Variants in ALDH1L1 observed in about 807,000 individuals in gnomAD.
The protein encoded by ALDH1L1 is aldehyde dehydrogenase 1 family member L1, also known as cytosolic 10-formyltetrahydrofolate dehydrogenase.
Under a neutral mutation model 101.1 loss-of-function variants are expected in ALDH1L1, and 68 were observed. The observed-to-expected ratio is 0.67, with a 90% CI of 0.55 to 0.82. ALDH1L1 has a LOEUF of 0.82. Ranked by LOEUF, ALDH1L1 falls within the 40% of genes least tolerant of loss-of-function variation. The pLI, the probability that ALDH1L1 is intolerant of heterozygous loss-of-function variation, is 0.00. For synonymous variants in ALDH1L1, 486 were observed against 470.8 expected (o/e 1.03, Z -0.42); for missense variants, 1,087 against 1,172.7 (o/e 0.93, Z 1.07).
At chr3:126,126,654 C>T (rs2080192838) in intron 14 of ALDH1L1, among the ~76,000 whole-genome samples, 1 of 152,172 alleles carries the variant, frequency 6.6e-6, no homozygotes, top group Non-Finnish European at 1.5e-5. Context: ...GCAGGTGAAG[C>T]CGTCGGTTAC....
chr3:126,185,657 C>T (rs902940510), upstream of ALDH1L1, among the ~76,000 whole-genome samples: 1 of 152,018 alleles, frequency 6.6e-6, no homozygotes, highest in Non-Finnish European at 1.5e-5. Flanking sequence ...GAGAAGCTGG[C>T]AAAGTCAGGG....
intron 1 of ALDH1L1, among the ~76,000 whole-genome samples, chr3:126,164,774 C>A (rs2081132150): frequency 6.6e-6 from 1 of 152,152 alleles, no homozygotes; most frequent in Non-Finnish European, 1.5e-5. Context: ...GTTCTAAGTT[C>A]TTTAAGAAAT....
intron 7 of ALDH1L1, chr3:126,151,313 A>C (rs2080802863): frequency 6.6e-6 from 1 of 152,218 alleles, no homozygotes; most frequent in East Asian, 1.9e-4. Context: ...TGGGAAGAGG[A>C]GAGGCTGAAA....
At chr3:126,196,930 A>T (rs1006810808) in intron 1 of ALDH1L1, among the ~76,000 whole-genome samples, 1 of 152,196 alleles carries the variant, frequency 6.6e-6, no homozygotes, top group African/African-American at 2.4e-5. Context: ...TAGAGTAGTT[A>T]ATTTTGAGCT....
intron 2 of ALDH1L1, chr3:126,159,537 G>A (rs973004843): frequency 2.2e-6 from 1 of 456,630 alleles, no homozygotes; most frequent in Non-Finnish European, 4.4e-6. Context: ...CTCCTCTCCG[G>A]TCTCCTCCTC....
At chr3:126,152,293 C>T (rs1467281971) in intron 7 of ALDH1L1, 1 of 152,234 alleles carries the variant, frequency 6.6e-6, no homozygotes, top group Non-Finnish European at 1.5e-5. Flanking sequence ...TGAACCTTTA[C>T]TTTTGCTTTG....
At chr3:126,178,924 T>C (rs1025650874) in intron 1 of ALDH1L1, among the ~76,000 whole-genome samples, 16 of 150,662 alleles carry the variant, frequency 1.1e-4, no homozygotes, top group Non-Finnish European at 2.2e-4. Flanking sequence ...TTTTATATTG[T>C]ACATGATTAC....
chr3:126,118,991 A>T (rs1263880315), intron 16 of ALDH1L1, among the ~76,000 whole-genome samples: 1 of 151,884 alleles, frequency 6.6e-6, no homozygotes, highest in East Asian at 1.9e-4. Flanking sequence ...CTCCTCCCAG[A>T]CTCAGCGTAG....
chr3:126,180,428 C>G, intron 1 of ALDH1L1, 48 bp downstream of exon 1: 1 of 987,796 alleles, frequency 1.0e-6, no homozygotes, highest in Non-Finnish European at 1.2e-6. Flanking sequence ...GCCGGGGCAG[C>G]CTCCTTTCCG....
intron 14 of ALDH1L1, 55 bp from the exon 15 acceptor site, chr3:126,125,776 G>A (rs1335686532): frequency 3.1e-6 from 4 of 1,292,312 alleles, no homozygotes; most frequent in Non-Finnish European, 4.1e-6. Flanking sequence ...GCCCACAGTG[G>A]ACCTGCCAAT....
chr3:126,160,736 C>G (rs2081027205), intron 2 of ALDH1L1, 117 bp downstream of exon 2: 1 of 1,471,916 alleles, frequency 6.8e-7, no homozygotes, highest in East Asian at 2.3e-5. Flanking sequence ...TGGCTGCCTC[C>G]CAGCTAGAGC....
Position 126,180,520 on chromosome 3 carries a change from T to G in ALDH1L1, c.-68A>C. 9.8e-7 allele frequency: 1 copy of G among 1,018,050 alleles called. No individual in the cohort carries two copies. The highest frequency in any genetic ancestry group is 1.2e-6 in the Non-Finnish European group (1 of 849,430). The allele number at this position is 1,018,050 out of a possible 1,614,324, so 63.1% of individuals were successfully genotyped here. On this transcript the variant is annotated 5_prime_UTR_variant, in exon 1 of 23. Coordinates refer to ENST00000393434, the MANE Select transcript of ALDH1L1 (RefSeq NM_012190.4). ...GGGCGTCCCGGGCAGGTTAGACTTCTGTGAGCCGCAGCCCCGAAACTGAGG... is the reference window on the plus strand; with the variant it reads ...GGGCGTCCCGGGCAGGTTAGACTTCGGTGAGCCGCAGCCCCGAAACTGAGG...
chr3:126,156,849 T>C (rs2080918097), intron 4 of ALDH1L1: 1 of 152,652 alleles, frequency 6.6e-6, no homozygotes, highest in Admixed American at 6.5e-5. Context: ...TGATGAATTC[T>C]AGGAGAAAAA....
chr3:126,171,889 C>T (rs1438780585), intron 1 of ALDH1L1, among the ~76,000 whole-genome samples: 2 of 152,128 alleles, frequency 1.3e-5, no homozygotes, highest in African/African-American at 2.4e-5. Flanking sequence ...CTTCCCCCCA[C>T]CAAAACACCT....
intron 9 of ALDH1L1, among the ~76,000 whole-genome samples, chr3:126,144,182 A>G (rs960042341): frequency 3.9e-5 from 6 of 152,216 alleles, no homozygotes; most frequent in African/African-American, 1.4e-4. Context: ...TACAATGAAA[A>G]CTACAAAACA....
rs373784407 is a variant in ALDH1L1, at chr3:126,140,427, T to C, written c.1077-2467A>G. ...CTGAAAAGAGTCTTTCAGGCTGAGATAAAAGTACCATAGACTTGATGACAC... is the reference window on the plus strand; with the variant it reads ...CTGAAAAGAGTCTTTCAGGCTGAGACAAAAGTACCATAGACTTGATGACAC... On this transcript the variant is annotated intron_variant, in intron 9 of 22. Coordinates refer to ENST00000393434, the MANE Select transcript of ALDH1L1 (RefSeq NM_012190.4). 3.1e-4 allele frequency among the ~76,000 whole-genome samples: 47 copies of C among 152,170 alleles called. 1 individual carries two copies. In the South Asian group the frequency reaches 8.1e-3, roughly 26 times the overall value.
chr3:126,127,260 G>A (rs6438975), intron 14 of ALDH1L1, among the ~76,000 whole-genome samples: 96,146 of 152,030 alleles, frequency 0.63, 30,489 homozygotes, highest in Middle Eastern at 0.7. Context: ...GCAGGACCCA[G>A]GCCCAGGTGA....
intron 22 of ALDH1L1, chr3:126,105,172 ACC>A (rs1468313778): frequency 3.3e-5 from 6 of 184,604 alleles, no homozygotes; most frequent in African/African-American, 1.4e-4. Context: ...CGTGGTGTTC[ACC>A]CGGGGGTACA....
chr3:126,154,534 C>G lies in ALDH1L1; in HGVS notation c.720+20G>C. The G allele has an allele frequency of 6.2e-7, 1 of 1,613,112 alleles. No individual in the cohort carries two copies. The highest frequency in any genetic ancestry group is 8.5e-7 in the Non-Finnish European group (1 of 1,179,144). On this transcript the variant is annotated intron_variant, in intron 6 of 22. Coordinates refer to ENST00000393434, the MANE Select transcript of ALDH1L1 (RefSeq NM_012190.4). ...ATACACCAATGCACGTGGCTGGATT[C>G]CAGCCATGCAGGGACACACCTGTTC...
Sources: allele counts gnomAD v4.1 joint callset (sites outside exome capture counted in the v4.1 genomes callset), GRCh38; gene constraint gnomAD v4.1.1; transcripts MANE v1.5; gene names NCBI Gene and HGNC (gene_info 2026-07-23, HGNC 2026-07-21).